Variants in WDR33 observed in about 807,000 individuals in gnomAD.
The protein encoded by WDR33 is pre-mRNA 3' end processing protein WDR33.
A neutral mutation model predicts 164.9 loss-of-function variants in WDR33; 47 were observed. That is an observed-to-expected ratio of 0.29 (90% CI 0.23 to 0.36). The LOEUF (loss-of-function observed/expected upper bound fraction) is 0.36. Ranked by LOEUF, WDR33 falls within the 10% of genes least tolerant of loss-of-function variation. The pLI, the probability that WDR33 is intolerant of heterozygous loss-of-function variation, is 1.00. For missense variants in WDR33, 1,137 were observed against 1,754.1 expected, an observed-to-expected ratio of 0.65 and a Z score of 6.28; for synonymous variants, 505 against 589.0, an observed-to-expected ratio of 0.86 and a Z score of 2.06.
At position 127,708,701 on chromosome 2, in the gene WDR33, G is replaced by A; in HGVS notation, c.3757C>T (p.Pro1253Ser). Residue 1253 changes from proline (P) to serine (S), a missense_variant, in exon 21 of 22, where the codon CCT (proline) becomes TCT (serine). This residue lies in a region of WDR33 where 867 missense variants were observed against 1,073.0 expected (regional missense o/e 0.81). Coordinates refer to ENST00000322313, the MANE Select transcript of WDR33 (RefSeq NM_018383.5). This position sits in a 1 kb window ranked among gnomAD's most constrained non-coding sequence, Gnocchi z 6.7. ...EHREMEAPGG[P>S]SEDRGGKGRG... ...CCTTTGCCTCCTCGGTCTTCAGAAG[G>A]GCCTCCTGGGGCCTCCATCTCTCTG... 1 of 1,609,288 alleles carries A rather than the reference G, an allele frequency of 6.2e-7. No homozygotes were observed. The highest frequency in any genetic ancestry group is 8.5e-7 in the Non-Finnish European group (1 of 1,177,086).
intron 1 of WDR33, among the ~76,000 whole-genome samples, chr2:127,772,140 A>G (rs1372962303): frequency 6.6e-6 from 1 of 151,934 alleles, no homozygotes. Context: ...TACATTTTTA[A>G]AATTAAAATT....
chr2:127,765,910 C>T (rs1687806730), intron 4 of WDR33, among the ~76,000 whole-genome samples: 1 of 151,976 alleles, frequency 6.6e-6, no homozygotes, highest in Non-Finnish European at 1.5e-5. Flanking sequence ...TAACACTACA[C>T]CAAAAGTTTT....
At chr2:127,711,790 T>TTTTA (rs70985474) in intron 18 of WDR33, among the ~76,000 whole-genome samples, 5 of 109,608 alleles carry the variant, frequency 4.6e-5, no homozygotes, top group South Asian at 2.9e-4. Context: ...ATTTTTTTTT[T>TTTTA]GAGACAGAGT....
Position 127,719,155 on chromosome 2 carries a change from T to C in WDR33, c.2760+110A>G. On this transcript the variant is annotated intron_variant, in intron 16 of 21. Coordinates refer to ENST00000322313, the MANE Select transcript of WDR33 (RefSeq NM_018383.5). This position sits in a 1 kb window ranked among gnomAD's most constrained non-coding sequence, Gnocchi z 6.5. ...TAGTATCTTAAGCTACTGTCACTAC[T>C]TGATAAGTATTTATATCCAGCTGTG... 1 of 1,268,086 alleles carries C rather than the reference T, an allele frequency of 7.9e-7. No homozygotes were observed. Among genetic ancestry groups the C allele is most frequent in the Non-Finnish European group, 1.0e-6 (1 of 992,550 alleles). The allele number at this position is 1,268,086 out of a possible 1,614,324, so 78.6% of individuals were successfully genotyped here.
intron 1 of WDR33, among the ~76,000 whole-genome samples, chr2:127,783,599 CTTTTTT>C (rs35345585): frequency 1.5e-4 from 13 of 84,408 alleles, no homozygotes; most frequent in Middle Eastern, 0.02. Flanking sequence ...TTCAGGACTC[CTTTTTT>C]TTTTTTTTTT....
rs747474379 is a variant in WDR33 at position 127,701,875 on chromosome 2, C to G, written c.*4448G>C. On this transcript the variant is annotated 3_prime_UTR_variant, in exon 22 of 22. Transcript: ENST00000322313. ...TTCGCGCTGCTCTGGTCACTGGGCT[C>G]GGCGCTGGCGTTGGCGGGAAGCGCG... 7.3e-5 allele frequency: 106 copies of G among 1,456,604 alleles called. No individual in the cohort carries two copies. The highest frequency in any genetic ancestry group is 9.1e-5 in the Non-Finnish European group (101 of 1,110,140). The allele number at this position is 1,456,604 out of a possible 1,614,324, so 90.2% of individuals were successfully genotyped here.
In WDR33 at chr2:127,702,024, A is replaced by C; in HGVS notation, c.*4299T>G. 1 of 1,293,658 alleles carries C rather than the reference A, an allele frequency of 7.7e-7. No homozygotes were observed. Among genetic ancestry groups the C allele is most frequent in the Non-Finnish European group, 9.8e-7 (1 of 1,023,304 alleles). 80.1% of individuals were successfully genotyped at this position (1,293,658 alleles called of 1,614,324 possible). Reference sequence around the variant, plus strand: ...GTTCGCCGCGCTGGGCCTTCGCAGCACGCTGCTCACGGTGCTGGGCGCGGG... The same window carrying C: ...GTTCGCCGCGCTGGGCCTTCGCAGCCCGCTGCTCACGGTGCTGGGCGCGGG... On this transcript the variant is annotated 3_prime_UTR_variant, in exon 22 of 22. Transcript: ENST00000322313.
intron 7 of WDR33, chr2:127,736,572 A>C (rs1686849766): frequency 1.0e-6 from 1 of 985,338 alleles, no homozygotes; most frequent in Non-Finnish European, 1.2e-6. Flanking sequence ...TATGTAGGTA[A>C]AATGGTTTCT....
At chr2:127,776,731 C>T (rs1341990440) in intron 1 of WDR33, among the ~76,000 whole-genome samples, 2 of 152,118 alleles carry the variant, frequency 1.3e-5, no homozygotes. Flanking sequence ...AAAAATGATA[C>T]AATAGCTTTC....
At chr2:127,796,411 G>A (rs1341455936) in intron 1 of WDR33, among the ~76,000 whole-genome samples, 6 of 151,838 alleles carry the variant, frequency 4.0e-5, no homozygotes, top group African/African-American at 1.5e-4. Flanking sequence ...CACTACTGTG[G>A]TTAAGGAAAA....
Position 127,701,801 on chromosome 2 carries a change from C to G in WDR33, c.*4522G>C, listed in dbSNP as rs1427461615. 1 of 1,454,250 alleles carries G rather than the reference C, an allele frequency of 6.9e-7. No individual in the cohort carries two copies. The highest frequency in any genetic ancestry group is 9.0e-7 in the Non-Finnish European group (1 of 1,107,042). 90.1% of individuals were successfully genotyped at this position (1,454,250 alleles called of 1,614,324 possible). Reference sequence around the variant, plus strand: ...GCCTGCTGCTGGCTGCACTGTGTTTCGGCCTAGCCGCGCTCTACGCACCGG... The same window carrying G: ...GCCTGCTGCTGGCTGCACTGTGTTTGGGCCTAGCCGCGCTCTACGCACCGG... On this transcript the variant is annotated 3_prime_UTR_variant, in exon 22 of 22. Coordinates refer to ENST00000322313, the MANE Select transcript of WDR33 (RefSeq NM_018383.5).
chr2:127,768,685 C>T (rs939249057), intron 3 of WDR33, among the ~76,000 whole-genome samples: 1 of 152,124 alleles, frequency 6.6e-6, no homozygotes, highest in Non-Finnish European at 1.5e-5. Context: ...TACTCAACTT[C>T]TTTTTGGACA....
At chr2:127,807,397 CAGAGT>C (rs1689478710) in intron 1 of WDR33, among the ~76,000 whole-genome samples, 1 of 152,136 alleles carries the variant, frequency 6.6e-6, no homozygotes, top group Non-Finnish European at 1.5e-5. Flanking sequence ...TGAGAGCAAA[CAGAGT>C]AGAGAGCAGG....
intron 7 of WDR33, chr2:127,736,852 G>A: frequency 2.0e-6 from 2 of 985,342 alleles, no homozygotes; most frequent in Non-Finnish European, 1.2e-6. Context: ...ACAATAACGT[G>A]GGGAAGGGTA....
chr2:127,707,597 C>T (rs1164309485), intron 21 of WDR33, among the ~76,000 whole-genome samples: 2 of 152,192 alleles, frequency 1.3e-5, no homozygotes, highest in Non-Finnish European at 2.9e-5. Context: ...GGTCACAGCA[C>T]ACTGGCTAGT....
chr2:127,747,695 T>C (rs892100154), intron 7 of WDR33, among the ~76,000 whole-genome samples: 1 of 152,184 alleles, frequency 6.6e-6, no homozygotes, highest in East Asian at 1.9e-4. Flanking sequence ...TTCTCCCCAA[T>C]TGCTCCGTTT....
intron 1 of WDR33, among the ~76,000 whole-genome samples, chr2:127,794,836 A>AG (rs1175375754): frequency 7.5e-6 from 1 of 133,166 alleles, no homozygotes; most frequent in Non-Finnish European, 1.5e-5. Flanking sequence ...TCCGTTTCAA[A>AG]AAAAAAAAAA....
At position 127,774,144 on chromosome 2, in the gene WDR33, C is replaced by T. The variant is rs767887622; in HGVS notation, c.-23-3140G>A. 1.3e-5 allele frequency among the ~76,000 whole-genome samples: 2 copies of T among 151,058 alleles called. 1 individual carries two copies. Among genetic ancestry groups the T allele is most frequent in the South Asian group, 4.2e-4 (2 of 4,772 alleles). On this transcript the variant is annotated intron_variant, in intron 1 of 21. Transcript: ENST00000322313. ...TTGGCTCACTGCAACCTCTGCCTCC[C>T]GGGTTCAAGCAATTCTGCTGCCTCA... is the stretch of plus-strand genomic sequence containing the variant.
chr2:127,783,599 C>CTTTTTTTTTTTTTTTTTT lies in WDR33; in HGVS notation c.-23-12613_-23-12596dup, dbSNP rs35345585. 3.6e-5 allele frequency among the ~76,000 whole-genome samples: 3 copies of CTTTTTTTTTTTTTTTTTT among 84,408 alleles called. 1 individual carries two copies. Among genetic ancestry groups the CTTTTTTTTTTTTTTTTTT allele is most frequent in the Admixed American group, 1.5e-4 (1 of 6,762 alleles). The allele number at this position is 84,408 out of a possible 152,430, so 55.4% of individuals were successfully genotyped here. On this transcript the variant is annotated intron_variant, in intron 1 of 21. Coordinates refer to ENST00000322313, the MANE Select transcript of WDR33 (RefSeq NM_018383.5). ...CTTCAGCTATTTTATTTCAGGACTC[C>CTTTTTTTTTTTTTTTTTT]TTTTTTTTTTTTTTTTTTTTTTTTT...
Sources: gnomAD v4.1 joint callset for allele counts (sites outside exome capture counted in the v4.1 genomes callset) on GRCh38, gnomAD v4.1.1 for gene constraint, gnomAD v4.1.1 regional missense constraint, Gnocchi (gnomAD v3.1) non-coding constraint, MANE v1.5 for transcripts, NCBI Gene and HGNC (gene_info 2026-07-23, HGNC 2026-07-21) for gene names.